Variants in SYT2 observed in about 807,000 individuals in gnomAD.
The protein encoded by SYT2 is synaptotagmin-2.
SYT2 carries 15 observed loss-of-function variants against 39.9 expected under a neutral mutation model. The ratio of observed to expected loss-of-function variants is 0.38; its 90% CI spans 0.25 to 0.58. SYT2 has a LOEUF of 0.58. Among genes scored for constraint, SYT2 ranks in the 20% least tolerant of loss-of-function variants. The pLI is 0.70. For synonymous variants in SYT2, 181 were observed against 204.5 expected (o/e 0.89, Z 0.98); for missense variants, 389 against 530.3 (o/e 0.73, Z 2.62).
At chr1:202,604,261 C>G in intron 3 of SYT2, 194 bp downstream of exon 3, 1 of 615,084 alleles carries the variant, frequency 1.6e-6, no homozygotes, top group Non-Finnish European at 2.9e-6. Context: ...CATGCTAACA[C>G]AGGAATAAGG....
intron 1 of SYT2, among the ~76,000 whole-genome samples, chr1:202,615,092 C>T (rs1462815866): frequency 6.6e-6 from 1 of 152,168 alleles, no homozygotes; most frequent in Non-Finnish European, 1.5e-5. Context: ...CATCCCCGAG[C>T]TCTTATGAAA....
chr1:202,631,353 G>A (rs1691585357), intron 1 of SYT2, among the ~76,000 whole-genome samples: 4 of 152,136 alleles, frequency 2.6e-5, no homozygotes, highest in Admixed American at 2.6e-4. Flanking sequence ...ACAGAGAACC[G>A]GCATGTAATG....
intron 1 of SYT2, among the ~76,000 whole-genome samples, chr1:202,641,451 A>G (rs1691914407): frequency 6.6e-6 from 1 of 152,208 alleles, no homozygotes; most frequent in South Asian, 2.1e-4. Flanking sequence ...GGCCTTGCCC[A>G]AGGTCACACA....
At chr1:202,673,801 C>G (rs957805935) in intron 1 of SYT2, among the ~76,000 whole-genome samples, 1 of 152,178 alleles carries the variant, frequency 6.6e-6, no homozygotes, top group South Asian at 2.1e-4. Context: ...AAGATTTATT[C>G]GAGGCAGGGA....
At chr1:202,629,393 C>T (rs894742455) in intron 1 of SYT2, among the ~76,000 whole-genome samples, 1 of 152,210 alleles carries the variant, frequency 6.6e-6, no homozygotes, top group African/African-American at 2.4e-5. Flanking sequence ...CATGGCTTCT[C>T]CAACAGTGGC....
chr1:202,644,022 A>C (rs535896495), intron 1 of SYT2, among the ~76,000 whole-genome samples: 1 of 152,166 alleles, frequency 6.6e-6, no homozygotes, highest in Non-Finnish European at 1.5e-5. Context: ...TCCTGAGTCA[A>C]GGGAGAGAAG....
In SYT2 at chr1:202,628,428, G is replaced by A. The variant is rs556190085; in HGVS notation, c.-17-22639C>T. Among the ~76,000 whole-genome samples, 6 of 152,226 alleles carry A rather than the reference G, an allele frequency of 3.9e-5. No individual in the cohort carries two copies. Among genetic ancestry groups the A allele is most frequent in the Admixed American group, 6.5e-5 (1 of 15,300 alleles). ...AAAGAAGGTGCAGTCTGGTCCTCCC[G>A]TTTCCAAGAGCGCCTCCATCCTTCC... On this transcript the variant is annotated intron_variant, in intron 1 of 8. Transcript: ENST00000367268. The surrounding 1 kb of genome is among the most constrained non-coding windows in gnomAD (Gnocchi z 4.2).
Position 202,599,385 on chromosome 1 carries a change from C to T in SYT2, c.920-34G>A, listed in dbSNP as rs1048450035. ...GGAGAATCCCAACCCCAGAGAGGTTCCCCTTAGCCCCCAGCCTTCCTGCCG... is the reference window on the plus strand; with the variant it reads ...GGAGAATCCCAACCCCAGAGAGGTTTCCCTTAGCCCCCAGCCTTCCTGCCG... On this transcript the variant is annotated intron_variant, in intron 7 of 8. Coordinates refer to ENST00000367268, the MANE Select transcript of SYT2 (RefSeq NM_177402.5). This position sits in a 1 kb window ranked among gnomAD's most constrained non-coding sequence, Gnocchi z 4.4. The T allele has an allele frequency of 2.5e-5, 39 of 1,555,694 alleles. No individual in the cohort carries two copies. The highest frequency in any genetic ancestry group is 3.4e-5 in the Non-Finnish European group (39 of 1,158,724).
At chr1:202,602,977 G>T in intron 4 of SYT2, 22 bp downstream of exon 4, 1 of 1,583,364 alleles carries the variant, frequency 6.3e-7, no homozygotes, top group South Asian at 1.1e-5. Context: ...CCCCCACTCT[G>T]CCCCCCCACA....
chr1:202,642,326 G>C (rs373898970), intron 1 of SYT2, among the ~76,000 whole-genome samples: 2 of 152,146 alleles, frequency 1.3e-5, no homozygotes, highest in South Asian at 4.1e-4. Context: ...GCAGAGGCTC[G>C]GGCAGGCGTG....
At chr1:202,667,810 T>A (rs555045098) in intron 1 of SYT2, among the ~76,000 whole-genome samples, 2 of 152,154 alleles carry the variant, frequency 1.3e-5, no homozygotes, top group South Asian at 4.2e-4. Flanking sequence ...CCTCCCGGGT[T>A]CAAGCGATTC....
chr1:202,621,788 G>A (rs984759739), intron 1 of SYT2, among the ~76,000 whole-genome samples: 10 of 152,226 alleles, frequency 6.6e-5, no homozygotes, highest in African/African-American at 1.4e-4. Flanking sequence ...TCAGGAGACT[G>A]GAAGCCCTGC....
chr1:202,616,197 A>G (rs1691026875), intron 1 of SYT2, among the ~76,000 whole-genome samples: 1 of 152,196 alleles, frequency 6.6e-6, no homozygotes, highest in Admixed American at 6.5e-5. Flanking sequence ...GAAAAGCAGA[A>G]GCGAGAAATC....
At chr1:202,629,868 G>GGA (rs1553338270) in intron 1 of SYT2, among the ~76,000 whole-genome samples, 2 of 28,802 alleles carry the variant, frequency 6.9e-5, no homozygotes, top group African/African-American at 1.1e-4. Context: ...GGCAGCTGGT[G>GGA]GGGGGGGGGG....
intron 1 of SYT2, among the ~76,000 whole-genome samples, chr1:202,646,937 C>T (rs1692095994): frequency 6.6e-6 from 1 of 152,226 alleles, no homozygotes; most frequent in African/African-American, 2.4e-5. Flanking sequence ...GCAGCTGAAG[C>T]CAGCTCATCC....
chr1:202,699,331 C>A lies in SYT2; in HGVS notation c.-18+10927G>T, dbSNP rs186374396. Among the ~76,000 whole-genome samples, 28 of 152,216 alleles carry A rather than the reference C, an allele frequency of 1.8e-4. No homozygotes were observed. In the East Asian group the frequency reaches 5.0e-3, roughly 27 times the overall value. ...GCCACTGCACCCAGCCTCCAGTGCC[C>A]AAATTGGACTGGCACAACCAGCTCT... On this transcript the variant is annotated intron_variant, in intron 1 of 8. Transcript: ENST00000367268.
chr1:202,605,722 G>C lies in SYT2; in HGVS notation c.51C>G (p.Thr17=). 6.2e-7 allele frequency: 1 copy of C among 1,614,014 alleles called. No individual in the cohort carries two copies. Among genetic ancestry groups the C allele is most frequent in the African/African-American group, 1.3e-5 (1 of 75,002 alleles). Residue 17 remains threonine (T), a synonymous_variant, in exon 2 of 9, where the codon ACC becomes ACG. Coordinates refer to ENST00000367268, the MANE Select transcript of SYT2 (RefSeq NM_177402.5). The part of the protein sequence containing the change: ...RNQEPIVAPA[T]TTATMPIGPV... Reference sequence around the variant, plus strand: ...GTCCAATGGGCATCGTGGCGGTGGTGGTGGCAGGAGCCACAATAGGCTCCT... The same window carrying C: ...GTCCAATGGGCATCGTGGCGGTGGTCGTGGCAGGAGCCACAATAGGCTCCT...
At chr1:202,698,892 C>T (rs562139939) in intron 1 of SYT2, among the ~76,000 whole-genome samples, 1 of 152,196 alleles carries the variant, frequency 6.6e-6, no homozygotes, top group East Asian at 1.9e-4. Flanking sequence ...CTACAAAAGA[C>T]AGGCCAAGGG....
chr1:202,652,333 G>A (rs956290836), intron 1 of SYT2, among the ~76,000 whole-genome samples: 1 of 152,200 alleles, frequency 6.6e-6, no homozygotes, highest in African/African-American at 2.4e-5. Context: ...GATCTGGGTT[G>A]GGGGTGACAA....
Sources: allele counts gnomAD v4.1 joint callset (sites outside exome capture counted in the v4.1 genomes callset), GRCh38; gene constraint gnomAD v4.1.1; non-coding constraint Gnocchi (gnomAD v3.1); transcripts MANE v1.5; gene names NCBI Gene and HGNC (gene_info 2026-07-23, HGNC 2026-07-21).